The following MYO1D variants were observed in gnomAD, a reference collection of about 807,000 sequenced individuals.
MYO1D encodes unconventional myosin-Id.
A neutral mutation model predicts 122.0 loss-of-function variants in MYO1D; 83 were observed. That is an observed-to-expected ratio of 0.68 (90% CI 0.57 to 0.82). MYO1D has a LOEUF of 0.82. MYO1D is among the 40% of genes least tolerant of loss of function. The pLI, the probability that MYO1D is intolerant of heterozygous loss-of-function variation, is 0.00. For missense variants in MYO1D, 1,157 were observed against 1,269.5 expected (o/e 0.91, Z 1.35); for synonymous variants, 464 against 446.9 (o/e 1.04, Z -0.48).
intron 16 of MYO1D, among the ~76,000 whole-genome samples, chr17:32,660,103 C>G (rs2088541407): frequency 6.6e-6 from 1 of 152,144 alleles, no homozygotes; most frequent in South Asian, 2.1e-4. Flanking sequence ...TATATCCTCT[C>G]CACCACCACT....
intron 20 of MYO1D, 96 bp from the exon 21 acceptor site, chr17:32,605,337 G>A: frequency 8.5e-7 from 1 of 1,179,986 alleles, no homozygotes; most frequent in Non-Finnish European, 1.2e-6. Flanking sequence ...GCATGTGCCT[G>A]TAGTCCCAGC....
intron 16 of MYO1D, among the ~76,000 whole-genome samples, chr17:32,669,758 C>A (rs769508173): frequency 2.0e-5 from 3 of 152,074 alleles, no homozygotes; most frequent in Non-Finnish European, 4.4e-5. Flanking sequence ...ACCAGAAAAC[C>A]TAGACTATGA....
At chr17:32,617,802 G>A (rs1306891261) in intron 20 of MYO1D, among the ~76,000 whole-genome samples, 3 of 152,148 alleles carry the variant, frequency 2.0e-5, no homozygotes, top group Non-Finnish European at 4.4e-5. Flanking sequence ...CCTTAATTTT[G>A]TAAATGCATC....
intron 21 of MYO1D, among the ~76,000 whole-genome samples, chr17:32,559,093 G>T (rs2087094705): frequency 6.6e-6 from 1 of 152,176 alleles, no homozygotes; most frequent in South Asian, 2.1e-4. Context: ...GCTTGTGTGT[G>T]TGCAATATGA....
chr17:32,655,880 GGGAGGT>G (rs947646986), intron 17 of MYO1D, among the ~76,000 whole-genome samples: 7 of 152,306 alleles, frequency 4.6e-5, no homozygotes, highest in African/African-American at 1.4e-4. Flanking sequence ...GCTTGGATCA[GGGAGGT>G]GGAGGTGGAG....
At chr17:32,608,903 C>A (rs1036626909) in intron 20 of MYO1D, among the ~76,000 whole-genome samples, 5 of 152,180 alleles carry the variant, frequency 3.3e-5, no homozygotes, top group African/African-American at 4.8e-5. Flanking sequence ...AGCAGCCAGT[C>A]TCAAAAGGTT....
chr17:32,720,691 T>C (rs771876771), intron 15 of MYO1D, among the ~76,000 whole-genome samples: 4 of 152,192 alleles, frequency 2.6e-5, no homozygotes, highest in Non-Finnish European at 5.9e-5. Context: ...AACAGGGTCA[T>C]AGAAGTTAAA....
Position 32,760,555 on chromosome 17 carries a change from T to C in MYO1D, c.1108A>G (p.Thr370Ala), listed in dbSNP as rs2089990600. The change falls in exon 9 of 22, where the codon ACC becomes GCC. Residue 370 changes from threonine to alanine, a missense_variant. By Grantham distance (58) the Thr-to-Ala change is moderately conservative. Transcript: ENST00000318217. Reference protein sequence around the residue: ...NDIIEVKNYDTTIHGKNTVIG... With the variant: ...NDIIEVKNYDATIHGKNTVIG... ...ACAGTGTTTTTCCCATGGATTGTGG[T>C]GTCATAGTTCTTGACCTCAATAATA... The C allele has an allele frequency of 6.2e-7, 1 of 1,613,792 alleles. No homozygotes were observed. The highest frequency in any genetic ancestry group is 1.7e-5 in the Admixed American group (1 of 60,010).
intron 20 of MYO1D, among the ~76,000 whole-genome samples, chr17:32,634,964 A>G (rs983813255): frequency 3.9e-5 from 6 of 152,192 alleles, no homozygotes; most frequent in African/African-American, 1.4e-4. Context: ...GATCAGTTAT[A>G]CCCCAAAATG....
chr17:32,648,988 G>A (rs569888912), intron 19 of MYO1D, among the ~76,000 whole-genome samples: 3 of 151,830 alleles, frequency 2.0e-5, no homozygotes, highest in Non-Finnish European at 2.9e-5. Flanking sequence ...TACAGAATAC[G>A]TTTATAACAT....
chr17:32,519,135 T>A (rs1376636759), intron 21 of MYO1D: 3 of 152,412 alleles, frequency 2.0e-5, no homozygotes, highest in African/African-American at 4.8e-5. Context: ...AGGGGGCGGC[T>A]GTCATGTCTC....
chr17:32,511,666 A>G (rs1253134431), intron 21 of MYO1D, among the ~76,000 whole-genome samples: 1 of 147,810 alleles, frequency 6.8e-6, no homozygotes, highest in African/African-American at 2.5e-5. Context: ...TCCTCTCTTG[A>G]CACTTCTATT....
At chr17:32,599,878 C>T (rs2087542791) in intron 21 of MYO1D, among the ~76,000 whole-genome samples, 1 of 152,222 alleles carries the variant, frequency 6.6e-6, no homozygotes, top group Admixed American at 6.5e-5. Flanking sequence ...GTCTCAAACT[C>T]CTGACCTCAG....
chr17:32,764,899 G>A lies in MYO1D; in HGVS notation c.1014C>T (p.Tyr338=), dbSNP rs140806917. 2.4e-4 allele frequency: 393 copies of A among 1,614,148 alleles called. 3 individuals are homozygous for A. In the African/African-American group the frequency reaches 4.2e-3, roughly 17 times the overall value. ...DKQHTEQEAS[Y]GRDAFAKAIY... ...TCACCTTGGCAAAGGCGTCTCTGCC[G>A]TAGCTGGCCTCTTGTTCTGTGTGCT... Residue 338 remains tyrosine (Y), a synonymous_variant, in exon 8 of 22, where the codon TAC becomes TAT. Transcript: ENST00000318217.
intron 16 of MYO1D, among the ~76,000 whole-genome samples, chr17:32,699,875 T>C (rs1264953815): frequency 6.6e-6 from 1 of 152,210 alleles, no homozygotes; most frequent in East Asian, 1.9e-4. Flanking sequence ...TTTCACATTA[T>C]ACTCACAAAA....
intron 16 of MYO1D, among the ~76,000 whole-genome samples, chr17:32,710,596 T>C (rs756723635): frequency 1.3e-5 from 2 of 152,196 alleles, no homozygotes; most frequent in South Asian, 4.1e-4. Flanking sequence ...ACTTTGATTA[T>C]GTCAAAATTA....
chr17:32,701,598 T>C (rs898785267), intron 16 of MYO1D, among the ~76,000 whole-genome samples: 4 of 152,230 alleles, frequency 2.6e-5, no homozygotes, highest in African/African-American at 9.6e-5. Context: ...GGTCACACTC[T>C]GTCACTTAAG....
At chr17:32,829,894 G>A (rs1397453652) in intron 1 of MYO1D, among the ~76,000 whole-genome samples, 1 of 152,068 alleles carries the variant, frequency 6.6e-6, no homozygotes, top group Non-Finnish European at 1.5e-5. Flanking sequence ...CCCACTCACC[G>A]CTAATCAAAT....
intron 2 of MYO1D, among the ~76,000 whole-genome samples, chr17:32,779,353 T>G (rs1392747172): frequency 6.6e-6 from 1 of 152,020 alleles, no homozygotes; most frequent in African/African-American, 2.4e-5. Flanking sequence ...ATGATTCAAT[T>G]ATTTAAATGG....
Sources: gnomAD v4.1 joint callset for allele counts (sites outside exome capture counted in the v4.1 genomes callset) on GRCh38, gnomAD v4.1.1 for gene constraint, MANE v1.5 for transcripts, NCBI Gene and HGNC (gene_info 2026-07-23, HGNC 2026-07-21) for gene names.